The following C3 variants were observed in gnomAD, a reference collection of about 807,000 sequenced individuals.
C3 encodes the protein C3 and PZP-like alpha-2-macroglobulin domain-containing protein 1.
In C3, 97 loss-of-function variants were observed where a neutral mutation model predicts 207.9. The ratio of observed to expected loss-of-function variants is 0.47; its 90% CI spans 0.40 to 0.55. C3 has a LOEUF of 0.55. Among genes scored for constraint, C3 ranks in the 20% least tolerant of loss-of-function variants. The pLI is 0.00. For missense variants in C3, 1,684 were observed against 2,171.7 expected (o/e 0.78, Z 4.46); for synonymous variants, 848 against 857.6 (o/e 0.99, Z 0.20).
chr19:6,692,087 G>C (rs1448008604), intron 26 of C3, among the ~76,000 whole-genome samples: 1 of 152,086 alleles, frequency 6.6e-6, no homozygotes, highest in South Asian at 2.1e-4. Flanking sequence ...GATTCAGTGA[G>C]TCTGGGGTCC....
Position 6,719,420 on chromosome 19 carries a change from C to G in C3, c.75-17G>C. ...ATAGAGTACCTGTCGGAGTGGGGCACGGGAGTGGGCTTGTCATTCCACGGA... is the reference window on the plus strand; with the variant it reads ...ATAGAGTACCTGTCGGAGTGGGGCAGGGGAGTGGGCTTGTCATTCCACGGA... On this transcript the variant is annotated splice_polypyrimidine_tract_variant and intron_variant, in intron 1 of 40. Coordinates refer to ENST00000245907, the MANE Select transcript of C3 (RefSeq NM_000064.4). The surrounding 1 kb of genome is among the most constrained non-coding windows in gnomAD (Gnocchi z 5.4). The G allele has an allele frequency of 6.2e-7, 1 of 1,611,158 alleles. No individual in the cohort carries two copies. Among genetic ancestry groups the G allele is most frequent in the Non-Finnish European group, 8.5e-7 (1 of 1,177,660 alleles).
chr19:6,710,610 G>A lies in C3; in HGVS notation c.1686+29C>T, dbSNP rs576227639. 1.0e-4 allele frequency: 165 copies of A among 1,581,760 alleles called. 2 individuals are homozygous for A. The South Asian group carries it at 1.7e-3, about 17-fold the overall frequency. ...AGAGAGAGGAGTAGGGAGAGGGAGA[G>A]GGGGCGAGCGAGCCCAGGGCACACT... On this transcript the variant is annotated intron_variant, in intron 13 of 40. Transcript: ENST00000245907.
chr19:6,677,969 G>C lies in C3; in HGVS notation c.4905C>G (p.Asp1635Glu). ...DTWVEHWPEE[D>E]ECQDEENQKQ... is the part of the protein sequence containing the mutation. ...TCTGGTTCTCTTCGTCTTGGCATTCGTCCTCCTCGGGCCAGTGCTCCACCC... is the reference window on the plus strand; with the variant it reads ...TCTGGTTCTCTTCGTCTTGGCATTCCTCCTCCTCGGGCCAGTGCTCCACCC... Residue 1635 changes from aspartate (D) to glutamate (E), a missense_variant, in exon 41 of 41, where the codon GAC (aspartate) becomes GAG (glutamate). Physicochemically the swap from Asp to Glu is conservative, Grantham distance 45. Transcript: ENST00000245907. The C allele has an allele frequency of 6.2e-7, 1 of 1,614,122 alleles. No homozygotes were observed. Among genetic ancestry groups the C allele is most frequent in the Non-Finnish European group, 8.5e-7 (1 of 1,180,012 alleles).
At chr19:6,704,659 T>C (rs11085195) in intron 17 of C3, among the ~76,000 whole-genome samples, 14,497 of 151,966 alleles carry the variant, frequency 0.095, 1,096 homozygotes, top group East Asian at 0.38. Flanking sequence ...CTTGGGAGGC[T>C]GAGGCAGGAG....
At chr19:6,689,640 G>A (rs1394636631) in intron 27 of C3, among the ~76,000 whole-genome samples, 2 of 152,090 alleles carry the variant, frequency 1.3e-5, no homozygotes, top group Non-Finnish European at 2.9e-5. Flanking sequence ...GAGGTCAGGA[G>A]TTCGAAACCA....
chr19:6,706,995 A>C (rs1967791056), intron 17 of C3, 81 bp downstream of exon 17: 49 of 174,672 alleles, frequency 2.8e-4, no homozygotes, highest in East Asian at 4.4e-4. Context: ...CCCACCAGAC[A>C]GGGCATCCTC....
intron 33 of C3, 62 bp from the exon 34 acceptor site, chr19:6,682,291 C>T: frequency 7.7e-7 from 1 of 1,301,076 alleles, no homozygotes; most frequent in Non-Finnish European, 1.1e-6. Flanking sequence ...AGGGTCTGTT[C>T]CTGGACAAGG....
intron 27 of C3, among the ~76,000 whole-genome samples, chr19:6,689,303 C>CTCTT (rs1395632560): frequency 7.6e-6 from 1 of 131,054 alleles, no homozygotes. Context: ...CCTCTCCTCT[C>CTCTT]TCTCTCTCTC....
At chr19:6,709,611 T>TTCCCCCCCCCCCCCCCCCCCCCC in intron 14 of C3, 73 bp downstream of exon 14, 21 of 1,109,434 alleles carry the variant, frequency 1.9e-5, no homozygotes, top group East Asian at 5.1e-5. Context: ...CCCTCTCCAG[T>TTCCCCCCCCCCCCCCCCCCCCCC]CCCACCCACC....
chr19:6,679,348 A>G, intron 37 of C3, 59 bp downstream of exon 37: 3 of 1,494,804 alleles, frequency 2.0e-6, no homozygotes, highest in Non-Finnish European at 2.8e-6. Context: ...CATGGGATAG[A>G]TGACCTGGGT....
At chr19:6,681,460 C>A (rs1917858465) in intron 35 of C3, among the ~76,000 whole-genome samples, 2 of 151,440 alleles carry the variant, frequency 1.3e-5, no homozygotes. Context: ...GCAGGAGGAT[C>A]CCTTGAGCCC....
In C3 at chr19:6,713,205, G is replaced by A. The variant is rs748313429; in HGVS notation, c.987C>T (p.Thr329=). The change falls in exon 9 of 41, where the codon ACC becomes ACT. Residue 329 remains threonine (T), a synonymous_variant. Transcript: ENST00000245907. The stretch of plus-strand genomic sequence containing the variant: ...GGGCCTCACCTGAGTGCAAGATGAC[G>A]GTGGCAGACACGTACAAAGACTTCC... ...LVGKSLYVSA[T]VILHSGSDMV... 6.3e-5 allele frequency: 102 copies of A among 1,613,620 alleles called. No homozygotes were observed. Among genetic ancestry groups the A allele is most frequent in the Middle Eastern group, 3.3e-4 (2 of 6,084 alleles).
At chr19:6,706,980 C>G in intron 17 of C3, 96 bp downstream of exon 17, 1 of 681,018 alleles carries the variant, frequency 1.5e-6, no homozygotes, top group South Asian at 2.2e-5. Context: ...TCCTCCAGCC[C>G]CACCCCCACC....
intron 27 of C3, among the ~76,000 whole-genome samples, chr19:6,688,859 ACTTCCTG>A (rs1237310501): frequency 6.6e-6 from 1 of 152,140 alleles, no homozygotes; most frequent in Non-Finnish European, 1.5e-5. Flanking sequence ...CCTGAGACCT[ACTTCCTG>A]TCCTTAGCTG....
At chr19:6,710,614 G>A (rs1409407371) in intron 13 of C3, 25 bp downstream of exon 13, 2 of 1,578,556 alleles carry the variant, frequency 1.3e-6, no homozygotes, top group South Asian at 1.1e-5. Flanking sequence ...GGGAGAGGGG[G>A]CGAGCGAGCC....
intron 27 of C3, among the ~76,000 whole-genome samples, chr19:6,689,365 CTCTCTCTCT>C (rs1918112357): frequency 1.5e-5 from 2 of 129,264 alleles, no homozygotes; most frequent in African/African-American, 3.3e-5. Context: ...CCCTCCCTCT[CTCTCTCTCT>C]CTCTCTCTCT....
intron 23 of C3, among the ~76,000 whole-genome samples, chr19:6,694,990 G>C (rs10402876): frequency 0.48 from 73,310 of 151,990 alleles, 18,829 homozygotes; most frequent in Middle Eastern, 0.59. Context: ...AGTCAACGAG[G>C]CTGGGCGCCG....
rs17030 is a variant in C3 at position 6,677,978 on chromosome 19, G to C, written c.4896C>G (p.Pro1632=). Residue 1632 remains proline, a synonymous_variant, in exon 41 of 41, where the codon CCC becomes CCG. Transcript: ENST00000245907. The part of the protein sequence containing the change: ...IGKDTWVEHW[P]EEDECQDEEN... The stretch of plus-strand genomic sequence containing the variant: ...CTTCGTCTTGGCATTCGTCCTCCTC[G>C]GGCCAGTGCTCCACCCAAGTGTCCT... 3 of 1,613,826 alleles carry C rather than the reference G, an allele frequency of 1.9e-6. No homozygotes were observed. In the East Asian group the frequency reaches 6.7e-5, roughly 36 times the overall value.
intron 14 of C3, among the ~76,000 whole-genome samples, chr19:6,708,889 T>A (rs1349952990): frequency 6.6e-6 from 1 of 152,010 alleles, no homozygotes; most frequent in Non-Finnish European, 1.5e-5. Flanking sequence ...GGTCTTGCCA[T>A]GTTGCCCAAG....
Sources: gnomAD v4.1 joint callset for allele counts (sites outside exome capture counted in the v4.1 genomes callset) on GRCh38, gnomAD v4.1.1 for gene constraint, Gnocchi (gnomAD v3.1) non-coding constraint, MANE v1.5 for transcripts, NCBI Gene and HGNC (gene_info 2026-07-23, HGNC 2026-07-21) for gene names.